TNRC6C: variants seen among roughly 807,000 people sequenced by gnomAD.
TNRC6C encodes the protein trinucleotide repeat containing adaptor 6C.
A neutral mutation model predicts 153.7 loss-of-function variants in TNRC6C; 20 were observed. The ratio of observed to expected loss-of-function variants is 0.13; its 90% CI spans 0.09 to 0.19. The LOEUF (loss-of-function observed/expected upper bound fraction) is 0.19, where lower values mean the gene tolerates loss of function less well. Among genes scored for constraint, TNRC6C ranks in the 10% least tolerant of loss-of-function variants. TNRC6C has a pLI of 1.00. For missense variants in TNRC6C, 1,987 were observed against 2,172.0 expected (o/e 0.91, Z 1.69); for synonymous variants, 811 against 841.4 (o/e 0.96, Z 0.63).
chr17:78,104,734 C>A lies in TNRC6C; in HGVS notation c.4962C>A (p.Tyr1654Ter). 6.6e-7 allele frequency: 1 copy of A among 1,522,552 alleles called. No individual in the cohort carries two copies. The allele number at this position is 1,522,552 out of a possible 1,614,324, so 94.3% of individuals were successfully genotyped here. The stretch of plus-strand genomic sequence containing the variant: ...TGCTGTGGGGCGGGGTGCCCCAGTA[C>A]TCCAGCAGCCTGTGGGGCCCGCCCA... Residue 1654 changes from tyrosine to a stop codon, truncating the protein, a stop_gained, in exon 20 of 20, where the codon TAC becomes TAA. Coordinates refer to ENST00000301624, the Ensembl canonical transcript of TNRC6C. LOFTEE classifies it high-confidence loss of function. The surrounding 1 kb of genome is among the most constrained non-coding windows in gnomAD (Gnocchi z 6.2).
At chr17:78,099,128 A>C (rs1474667647) in intron 17 of TNRC6C, among the ~76,000 whole-genome samples, 2 of 152,216 alleles carry the variant, frequency 1.3e-5, no homozygotes, top group African/African-American at 2.4e-5. Context: ...CGTGGGCAAC[A>C]AAGTGAGACC....
At chr17:78,050,681 C>T (rs930684355) in exon 3 of TNRC6C, 5 of 1,560,844 alleles carry the variant, frequency 3.2e-6, no homozygotes, top group Non-Finnish European at 3.5e-6. Flanking sequence ...TGGGGGGACT[C>T]GATAAGCTCT....
chr17:77,967,340 T>G (rs1393324878), intron 1 of TNRC6C, among the ~76,000 whole-genome samples: 2 of 152,208 alleles, frequency 1.3e-5, no homozygotes, highest in Non-Finnish European at 2.9e-5. Context: ...TCTATAGTAT[T>G]TTGAAGATAT....
At chr17:78,041,733 T>C (rs2072300030) in intron 2 of TNRC6C, among the ~76,000 whole-genome samples, 1 of 152,214 alleles carries the variant, frequency 6.6e-6, no homozygotes, top group African/African-American at 2.4e-5. Context: ...TGTTGTAGCA[T>C]TTATCCTGCC....
intron 3 of TNRC6C, among the ~76,000 whole-genome samples, chr17:78,055,502 A>G (rs976551735): frequency 6.6e-6 from 1 of 152,184 alleles, no homozygotes; most frequent in Admixed American, 6.5e-5. Flanking sequence ...CTACATTATG[A>G]TGGGTATGGC....
rs369196541 is a variant in TNRC6C at position 78,086,611 on chromosome 17, T to C, written c.3561+25T>C. On this transcript the variant is annotated intron_variant, in intron 12 of 19. Transcript: ENST00000301624. ...AGTAGGTGCTACCCAGATTGATTTT[T>C]GTCATGAGCTATAATTTTCCCTGAT... 114 of 1,607,858 alleles carry C rather than the reference T, an allele frequency of 7.1e-5. No homozygotes were observed. In the African/African-American group the frequency reaches 1.4e-3, roughly 20 times the overall value.
chr17:78,015,388 G>T (rs2071708930), intron 1 of TNRC6C, among the ~76,000 whole-genome samples: 1 of 152,058 alleles, frequency 6.6e-6, no homozygotes, highest in Non-Finnish European at 1.5e-5. Context: ...AAATGTGTGG[G>T]TTAAAAATGT....
Position 78,075,631 on chromosome 17 carries a change from A to T in TNRC6C, c.3060+353A>T, listed in dbSNP as rs74655233. On this transcript the variant is annotated intron_variant, in intron 8 of 19. Transcript: ENST00000301624. This position sits in a 1 kb window ranked among gnomAD's most constrained non-coding sequence, Gnocchi z 4.2. Reference sequence around the variant, plus strand: ...CTTCCCTTTGGAAATTACGTGTTAGATGTTTATCCTCAGGAAAAGGGATTG... The same window carrying T: ...CTTCCCTTTGGAAATTACGTGTTAGTTGTTTATCCTCAGGAAAAGGGATTG... Among the ~76,000 whole-genome samples the T allele has an allele frequency of 6.6e-6, 1 of 152,164 alleles. No homozygotes were observed. The highest frequency in any genetic ancestry group is 6.5e-5 in the Admixed American group (1 of 15,280).
chr17:78,064,904 G>A (rs924060834), exon 4 of TNRC6C: 10 of 1,611,432 alleles, frequency 6.2e-6, no homozygotes, highest in Middle Eastern at 3.3e-4. Flanking sequence ...AAGAGCTGGC[G>A]CACCTGTTGC....
At position 77,967,548 on chromosome 17, in the gene TNRC6C, G is replaced by A. The variant is rs117538026; in HGVS notation, c.-38+8280G>A. Among the ~76,000 whole-genome samples, 54 of 152,278 alleles carry A rather than the reference G, an allele frequency of 3.5e-4. No individual in the cohort carries two copies. In the East Asian group the frequency reaches 8.3e-3, roughly 23 times the overall value. On this transcript the variant is annotated intron_variant, in intron 1 of 22. Coordinates refer to the TNRC6C transcript ENST00000636222. ...GGGAATTGGGAAGCTGACAGGTGAG[G>A]AACAGTCATCATAGGGGCTCCCTGC... is the stretch of plus-strand genomic sequence containing the variant.
At chr17:78,102,474 G>T in exon 18 of TNRC6C, 1 of 1,606,134 alleles carries the variant, frequency 6.2e-7, no homozygotes, top group Middle Eastern at 1.7e-4. Flanking sequence ...CTTGTTGCAG[G>T]TTCTGCCTGG....
chr17:78,013,314 A>G (rs2071668979), intron 1 of TNRC6C, among the ~76,000 whole-genome samples: 1 of 152,180 alleles, frequency 6.6e-6, no homozygotes, highest in African/African-American at 2.4e-5. Context: ...ATTGAAGACG[A>G]ATTAAACAGA....
chr17:77,957,767 C>G (rs1460361050), upstream of TNRC6C, among the ~76,000 whole-genome samples: 1 of 152,258 alleles, frequency 6.6e-6, no homozygotes, highest in African/African-American at 2.4e-5. Context: ...TCGAATTGCA[C>G]ATTGCGCCTG....
At chr17:78,096,445 C>T (rs571835552) in intron 16 of TNRC6C, among the ~76,000 whole-genome samples, 1 of 152,356 alleles carries the variant, frequency 6.6e-6, no homozygotes, top group South Asian at 2.1e-4. Context: ...AAGTGAAGAC[C>T]TGCAGATTAC....
chr17:78,014,849 C>T (rs967678957), intron 1 of TNRC6C, among the ~76,000 whole-genome samples: 1 of 151,922 alleles, frequency 6.6e-6, no homozygotes. Flanking sequence ...GAAGGCACCA[C>T]TTTGTATCCC....
At chr17:77,990,735 T>A (rs1421002093) in intron 1 of TNRC6C, among the ~76,000 whole-genome samples, 1 of 152,234 alleles carries the variant, frequency 6.6e-6, no homozygotes, top group Admixed American at 6.5e-5. Flanking sequence ...AGTGTAGGTA[T>A]GGCCTCAGTA....
At chr17:77,965,172 C>T (rs2070887905) in intron 1 of TNRC6C, among the ~76,000 whole-genome samples, 2 of 152,270 alleles carry the variant, frequency 1.3e-5, no homozygotes, top group South Asian at 4.1e-4. Context: ...GAGTAATTTC[C>T]ACAAGATCCT....
chr17:78,088,100 CA>C (rs1280809626), intron 13 of TNRC6C, among the ~76,000 whole-genome samples: 2 of 152,210 alleles, frequency 1.3e-5, no homozygotes, highest in Non-Finnish European at 2.9e-5. Flanking sequence ...AGATAATATT[CA>C]TTTATCTAAT....
rs112067595 is a variant in TNRC6C at position 77,974,662 on chromosome 17, T to C, written c.-38+15394T>C. ...TTTGGTTCATTTCGTTTTGGGTTTA[T>C]ATTACCATTGTTATTCAATGTTATG... On this transcript the variant is annotated intron_variant, in intron 1 of 22. Coordinates refer to the TNRC6C transcript ENST00000636222. Among the ~76,000 whole-genome samples the C allele has an allele frequency of 7.5e-3, 1,147 of 152,354 alleles. 10 individuals are homozygous for C. The highest frequency in any genetic ancestry group is 0.012 in the Non-Finnish European group (813 of 68,024).
Sources: allele counts gnomAD v4.1 joint callset (sites outside exome capture counted in the v4.1 genomes callset), GRCh38; gene constraint gnomAD v4.1.1; non-coding constraint Gnocchi (gnomAD v3.1); transcripts MANE v1.5; gene names NCBI Gene and HGNC (gene_info 2026-07-23, HGNC 2026-07-21).